Variants in SLC5A4 observed in about 807,000 individuals in gnomAD.
The protein encoded by SLC5A4 is probable glucose sensor protein SLC5A4.
Under a neutral mutation model 70.3 loss-of-function variants are expected in SLC5A4, and 55 were observed. The observed-to-expected ratio is 0.78, with a 90% CI of 0.63 to 0.98. The LOEUF is 0.98. Ranked by LOEUF, SLC5A4 falls within the 50% of genes least tolerant of loss-of-function variation. The pLI is 0.00. For synonymous variants in SLC5A4, 268 were observed against 305.7 expected, an observed-to-expected ratio of 0.88 and a Z score of 1.29; for missense variants, 735 against 839.2, an observed-to-expected ratio of 0.88 and a Z score of 1.53.
chr22:32,253,628 G>A (rs1407014201), intron 2 of SLC5A4, among the ~76,000 whole-genome samples: 1 of 152,192 alleles, frequency 6.6e-6, no homozygotes, highest in East Asian at 1.9e-4. Flanking sequence ...GTCCTTCAGT[G>A]CCAGACTGAA....
chr22:32,308,875 TG>T, the SLC5A4 span, among the ~76,000 whole-genome samples: 1 of 151,710 alleles, frequency 6.6e-6, no homozygotes, highest in East Asian at 1.9e-4. Flanking sequence ...TGTATGTACT[TG>T]TTTTCAATTG....
chr22:32,330,243 CTG>C, the SLC5A4 span, among the ~76,000 whole-genome samples: 8 of 89,372 alleles, frequency 9.0e-5, no homozygotes, highest in East Asian at 3.7e-4. Flanking sequence ...GTTGGGGTCT[CTG>C]TGTTGGGGGG....
intron 11 of SLC5A4, 138 bp downstream of exon 11, chr22:32,229,056 T>C (rs1170934982): frequency 1.1e-5 from 8 of 712,318 alleles, no homozygotes; most frequent in Non-Finnish European, 1.8e-5. Context: ...TCACTTGAAT[T>C]TGATGTACTC....
At chr22:32,327,937 C>G in the SLC5A4 span, among the ~76,000 whole-genome samples, 1 of 152,196 alleles carries the variant, frequency 6.6e-6, no homozygotes, top group Non-Finnish European at 1.5e-5. Context: ...AGATGTTTAA[C>G]CAGAGTCCTA....
At chr22:32,239,318 G>T in intron 5 of SLC5A4, among the ~76,000 whole-genome samples, 1 of 150,968 alleles carries the variant, frequency 6.6e-6, no homozygotes, top group East Asian at 2.0e-4. Flanking sequence ...TCATTGCTCA[G>T]TTGAGGTGCT....
the SLC5A4 span, chr22:32,270,974 C>CA: frequency 3.7e-6 from 2 of 533,660 alleles, no homozygotes; most frequent in African/African-American, 3.8e-5. Flanking sequence ...GCTAGGGGGC[C>CA]ACAGTGGCTT....
At position 32,247,531 on chromosome 22, in the gene SLC5A4, T is replaced by A. The variant is rs777497845; in HGVS notation, c.373-16A>T. 6 of 1,564,110 alleles carry A rather than the reference T, an allele frequency of 3.8e-6. No individual in the cohort carries two copies. Among genetic ancestry groups the A allele is most frequent in the Non-Finnish European group, 5.3e-6 (6 of 1,134,488 alleles). On this transcript the variant is annotated splice_polypyrimidine_tract_variant and intron_variant, in intron 4 of 14. Coordinates refer to ENST00000266086, the MANE Select transcript of SLC5A4 (RefSeq NM_014227.3). The stretch of plus-strand genomic sequence containing the variant: ...TGGTCATCACCTGCAGAGACAGACA[T>A]TGACAGGGACTTAACTTACCCTTAG...
At chr22:32,348,188 G>A in the SLC5A4 span, among the ~76,000 whole-genome samples, 2 of 152,160 alleles carry the variant, frequency 1.3e-5, no homozygotes, top group Non-Finnish European at 2.9e-5. Context: ...ACACCTCCAG[G>A]GCCCCACCCC....
chr22:32,220,391 G>A (rs898291517), intron 14 of SLC5A4, among the ~76,000 whole-genome samples: 3 of 152,076 alleles, frequency 2.0e-5, no homozygotes, highest in Non-Finnish European at 2.9e-5. Flanking sequence ...AAAAACATTA[G>A]GTAAACAAAG....
intron 8 of SLC5A4, among the ~76,000 whole-genome samples, chr22:32,233,886 G>A (rs1925908056): frequency 1.3e-5 from 2 of 151,086 alleles, no homozygotes; most frequent in South Asian, 2.1e-4. Context: ...CTGAGGAAAA[G>A]TCAGGCAGTA....
At chr22:32,351,736 GTGGGGGGAGGGC>G in the SLC5A4 span, among the ~76,000 whole-genome samples, 2 of 43,958 alleles carry the variant, frequency 4.5e-5, no homozygotes, top group African/African-American at 1.7e-4. Flanking sequence ...GGTGGGGGCG[GTGGGGGGAGGGC>G]GGGGGGGGGG....
At chr22:32,349,373 A>AACT in the SLC5A4 span, among the ~76,000 whole-genome samples, 1 of 152,248 alleles carries the variant, frequency 6.6e-6, no homozygotes, top group Non-Finnish European at 1.5e-5. Flanking sequence ...TACAAGACAG[A>AACT]ACTGCAGATA....
In SLC5A4 at chr22:32,234,825, CACAGACAGACAG is replaced by C. The variant is rs374584654; in HGVS notation, c.885+36_885+47del. The C allele has an allele frequency of 1.5e-5, 20 of 1,348,170 alleles. No individual in the cohort carries two copies. In the African/African-American group the frequency reaches 1.6e-4, roughly 11 times the overall value. The allele number at this position is 1,348,170 out of a possible 1,614,324, so 83.5% of individuals were successfully genotyped here. Reference sequence around the variant, plus strand: ...ACAAGCACATGCACACATACAGACACACAGACAGACAGACAGACAGACAGACACACATATACA... The same window carrying C: ...ACAAGCACATGCACACATACAGACACACAGACAGACAGACACACATATACA... On this transcript the variant is annotated intron_variant, in intron 8 of 14. Coordinates refer to ENST00000266086, the MANE Select transcript of SLC5A4 (RefSeq NM_014227.3).
At chr22:32,326,971 C>T in the SLC5A4 span, among the ~76,000 whole-genome samples, 1 of 152,212 alleles carries the variant, frequency 6.6e-6, no homozygotes, top group African/African-American at 2.4e-5. Flanking sequence ...CAGCCTCCAG[C>T]AGGGCCCCGT....
At chr22:32,336,106 C>CT in the SLC5A4 span, among the ~76,000 whole-genome samples, 15 of 152,226 alleles carry the variant, frequency 9.9e-5, no homozygotes, top group Admixed American at 9.8e-4. Flanking sequence ...TTGCCCCACC[C>CT]TGCAGTGCCT....
At chr22:32,277,155 T>G in the SLC5A4 span, 1 of 152,208 alleles carries the variant, frequency 6.6e-6, no homozygotes, top group Non-Finnish European at 1.5e-5. Flanking sequence ...TGTTTATATT[T>G]TTTAATCAAC....
intron 5 of SLC5A4, among the ~76,000 whole-genome samples, chr22:32,240,608 A>T (rs886727831): frequency 6.6e-6 from 1 of 152,126 alleles, no homozygotes; most frequent in Non-Finnish European, 1.5e-5. Flanking sequence ...ATTGCGTAAC[A>T]TTTTTTTCTC....
the SLC5A4 span, among the ~76,000 whole-genome samples, chr22:32,282,049 T>C: frequency 6.6e-6 from 1 of 151,336 alleles, no homozygotes; most frequent in Non-Finnish European, 1.5e-5. Context: ...CACCATGTTG[T>C]CCAGGCTGGT....
At chr22:32,294,130 T>TC in the SLC5A4 span, among the ~76,000 whole-genome samples, 27 of 152,248 alleles carry the variant, frequency 1.8e-4, no homozygotes, top group Non-Finnish European at 2.9e-4. Context: ...ATTCTTAGCC[T>TC]TTTATCTCTT....
Sources: allele counts gnomAD v4.1 joint callset (sites outside exome capture counted in the v4.1 genomes callset), GRCh38; gene constraint gnomAD v4.1.1; transcripts MANE v1.5; gene names NCBI Gene and HGNC (gene_info 2026-07-23, HGNC 2026-07-21).